MCM3AP: variants seen among roughly 807,000 people sequenced by gnomAD.
The protein encoded by MCM3AP is minichromosome maintenance complex component 3 associated protein, also known as germinal-center associated nuclear protein.
A neutral mutation model predicts 184.1 loss-of-function variants in MCM3AP; 126 were observed. The observed-to-expected ratio is 0.68, with a 90% CI of 0.59 to 0.79. The LOEUF is 0.79. MCM3AP is among the 30% of genes least tolerant of loss of function. The probability of loss-of-function intolerance (pLI) is 0.00; values close to 1 mark genes in which losing one functional copy is unlikely to be tolerated. For synonymous variants in MCM3AP, 1,002 were observed against 979.3 expected (o/e 1.02, Z -0.43); for missense variants, 2,496 against 2,479.2 (o/e 1.01, Z -0.14).
Position 46,261,470 on chromosome 21 carries a change from C to G in MCM3AP, c.3336-59G>C, listed in dbSNP as rs927323256. Reference sequence around the variant, plus strand: ...AGAGTCAAGGCCGGGTGCGGTGGCTCACGCCTGTAATCCCAGCACTTTGGG... The same window carrying G: ...AGAGTCAAGGCCGGGTGCGGTGGCTGACGCCTGTAATCCCAGCACTTTGGG... On this transcript the variant is annotated intron_variant, in intron 13 of 27. Transcript: ENST00000291688. 1.9e-6 allele frequency: 3 copies of G among 1,549,230 alleles called. No homozygotes were observed. The East Asian group carries it at 6.8e-5, about 35-fold the overall frequency.
At chr21:46,285,634 T>C, upstream of MCM3AP, 1 of 198,272 alleles carries the variant, frequency 5.0e-6, no homozygotes, top group South Asian at 1.2e-4. Context: ...AGCCGAATCT[T>C]TTTACTGAGT....
Position 46,285,100 on chromosome 21 carries a change from C to T in MCM3AP, c.187G>A (p.Gly63Arg), listed in dbSNP as rs2081392694. Residue 63 changes from glycine (G) to arginine (R), a missense_variant, in exon 1 of 28, where the codon GGA becomes AGA. Transcript: ENST00000291688. ...TGCACTGAAGAGGAATGACTTACTC[C>T]AGAAGACGCTGGAAAGCTGGATACC... Reference protein sequence around the residue: ...SQVSSFPASSGVSHSSSVQTL... With the variant: ...SQVSSFPASSRVSHSSSVQTL... The T allele has an allele frequency of 1.9e-5, 31 of 1,614,204 alleles. No homozygotes were observed. Among genetic ancestry groups the T allele is most frequent in the Non-Finnish European group, 2.5e-5 (30 of 1,180,036 alleles).
At chr21:46,277,334 C>T (rs1338635551) in intron 5 of MCM3AP, among the ~76,000 whole-genome samples, 193 bp downstream of exon 5, 2 of 152,124 alleles carry the variant, frequency 1.3e-5, no homozygotes, top group Non-Finnish European at 2.9e-5. Flanking sequence ...AACATATTTG[C>T]ACATTTATGT....
At chr21:46,262,051 T>C (rs2081047782) in intron 13 of MCM3AP, among the ~76,000 whole-genome samples, 1 of 152,210 alleles carries the variant, frequency 6.6e-6, no homozygotes, top group Admixed American at 6.5e-5. Context: ...ATGCAACCTG[T>C]ACTTGTTTGG....
In MCM3AP at chr21:46,263,780, C is replaced by CAAAAAAAAAAAAAA. The variant is rs57674256; in HGVS notation, c.3335+323_3335+336dup. Among the ~76,000 whole-genome samples, 17 of 28,330 alleles carry CAAAAAAAAAAAAAA rather than the reference C, an allele frequency of 6.0e-4. 3 individuals are homozygous for CAAAAAAAAAAAAAA. Among genetic ancestry groups the CAAAAAAAAAAAAAA allele is most frequent in the South Asian group, 3.3e-3 (1 of 304 alleles). The allele number at this position is 28,330 out of a possible 152,430, so 18.6% of individuals were successfully genotyped here. A position where few individuals can be genotyped will look rare whatever the true frequency, so the allele number is the denominator to read the frequency against. On this transcript the variant is annotated intron_variant, in intron 13 of 27. Transcript: ENST00000291688. ...TGAGCAACAGAGCAAGACTCCATCT[C>CAAAAAAAAAAAAAA]AAAAAAAAAAAAAAAAAAAAAAAAA...
In MCM3AP at chr21:46,236,869, A is replaced by G. The variant is rs911925591; in HGVS notation, c.5744T>C (p.Ile1915Thr). 8.3e-6 allele frequency: 13 copies of G among 1,566,292 alleles called. No homozygotes were observed. The highest frequency in any genetic ancestry group is 2.4e-5 in the East Asian group (1 of 40,864). ...TACAGATGTTTTCATCACAGGTTCAATAGTGTGAGAAAGAGACACTAGAGT... is the reference window on the plus strand; with the variant it reads ...TACAGATGTTTTCATCACAGGTTCAGTAGTGTGAGAAAGAGACACTAGAGT... Reference protein sequence around the residue: ...PQTLVSLSHTIEPVMKTSVTT... With the variant: ...PQTLVSLSHTTEPVMKTSVTT... Residue 1915 changes from isoleucine to threonine, a missense_variant, in exon 27 of 28, where the codon ATT (isoleucine) becomes ACT (threonine). Physicochemically the swap from Ile to Thr is moderately conservative, Grantham distance 89 (BLOSUM62 -1). Coordinates refer to ENST00000291688, the MANE Select transcript of MCM3AP (RefSeq NM_003906.5).
intron 19 of MCM3AP, chr21:46,252,383 C>T (rs1601505078): frequency 6.6e-6 from 1 of 152,298 alleles, no homozygotes; most frequent in East Asian, 1.9e-4. Flanking sequence ...AATGAGAAGA[C>T]AGCTATTTTA....
At position 46,264,237 on chromosome 21, in the gene MCM3AP, G is replaced by A. The variant is rs761204666; in HGVS notation, c.3235-20C>T. The A allele has an allele frequency of 1.3e-6, 2 of 1,519,342 alleles. No homozygotes were observed. The highest frequency in any genetic ancestry group is 1.8e-6 in the Non-Finnish European group (2 of 1,097,910). 94.1% of individuals were successfully genotyped at this position (1,519,342 alleles called of 1,614,324 possible). On this transcript the variant is annotated intron_variant, in intron 12 of 27. Transcript: ENST00000291688. ...CAGGTCCTGTGGAGAGACCAGCATG[G>A]GGTGTAATGGAACGTCCCACCCAGG...
At position 46,254,756 on chromosome 21, in the gene MCM3AP, A is replaced by C; in HGVS notation, c.4001+20T>G. 2 of 1,609,930 alleles carry C rather than the reference A, an allele frequency of 1.2e-6. No individual in the cohort carries two copies. The highest frequency in any genetic ancestry group is 1.7e-6 in the Non-Finnish European group (2 of 1,176,484). ...ACGGGGATCACCAGGGGGTGCGCAG[A>C]AGGGTGCAGCATGACAGACCTCAGC... On this transcript the variant is annotated intron_variant, in intron 18 of 27. Coordinates refer to ENST00000291688, the MANE Select transcript of MCM3AP (RefSeq NM_003906.5).
Position 46,236,832 on chromosome 21 carries a change from T to G in MCM3AP, c.5781A>C (p.Pro1927=). The change falls in exon 27 of 28, where the codon CCA becomes CCC. Residue 1927 remains proline, a synonymous_variant. Transcript: ENST00000291688. ...PVMKTSVTTS[P]QSDMMREQLQ... ...CAAATGTATACGTTCTTCTCACCTGTGGGCTAGTAGTTACAGATGTTTTCA... is the reference window on the plus strand; with the variant it reads ...CAAATGTATACGTTCTTCTCACCTGGGGGCTAGTAGTTACAGATGTTTTCA... 1 of 1,547,844 alleles carries G rather than the reference T, an allele frequency of 6.5e-7. No individual in the cohort carries two copies. Among genetic ancestry groups the G allele is most frequent in the Non-Finnish European group, 8.7e-7 (1 of 1,155,054 alleles).
Position 46,284,716 on chromosome 21 carries a change from G to A in MCM3AP, c.571C>T (p.Pro191Ser). The change falls in exon 1 of 28, where the codon CCT becomes TCT. Residue 191 changes from proline (P) to serine (S), a missense_variant. By Grantham distance (74) the Pro-to-Ser change is moderately conservative. Transcript: ENST00000291688. The stretch of plus-strand genomic sequence containing the variant: ...CTTGTTACTTGAGGAAAAGAGAAAG[G>A]GGCCAGGCCTCCAGGTGCACTACTA... ...PISSAPGGLA[P>S]FSFPQVTSSS... 1.2e-6 allele frequency: 2 copies of A among 1,614,088 alleles called. No homozygotes were observed. The highest frequency in any genetic ancestry group is 8.5e-7 in the Non-Finnish European group (1 of 1,180,036).
At position 46,256,789 on chromosome 21, in the gene MCM3AP, C is replaced by T; in HGVS notation, c.3932G>A (p.Arg1311Lys). ...HAGRLGISCT[R>K]LRRLRNKTAH... ...GAGGCAGGCGACAGCTGATGCTGAC[C>T]TGGTGCAGGAGATGCCCAATCTCCC... Residue 1311 changes from arginine to lysine, a missense_variant and splice_region_variant, in exon 17 of 28, where the codon AGG becomes AAG. Around this residue, in one of 5 missense-constraint regions of MCM3AP, gnomAD observed 1,323 missense variants for 1,273.4 expected, o/e 1.04. Transcript: ENST00000291688. 1.3e-6 allele frequency: 2 copies of T among 1,550,230 alleles called. No homozygotes were observed. Among genetic ancestry groups the T allele is most frequent in the Non-Finnish European group, 1.7e-6 (2 of 1,146,400 alleles).
chr21:46,271,026 G>C (rs2081172141), intron 8 of MCM3AP, among the ~76,000 whole-genome samples: 1 of 152,202 alleles, frequency 6.6e-6, no homozygotes, highest in Admixed American at 6.5e-5. Context: ...AGCTGTGCTG[G>C]ATGGTAAAGT....
intron 4 of MCM3AP, among the ~76,000 whole-genome samples, chr21:46,278,588 G>A (rs1000524236): frequency 2.6e-5 from 4 of 152,150 alleles, no homozygotes; most frequent in Admixed American, 6.5e-5. Context: ...ATCACATGCC[G>A]GTTAACACAA....
intron 20 of MCM3AP, among the ~76,000 whole-genome samples, chr21:46,249,222 CCT>C (rs1716003209): frequency 6.6e-6 from 1 of 152,144 alleles, no homozygotes; most frequent in Admixed American, 6.5e-5. Context: ...ACGGGGTCTT[CCT>C]CTGTCAACAC....
At chr21:46,267,487 G>A in intron 9 of MCM3AP, 1 of 221,244 alleles carries the variant, frequency 4.5e-6, no homozygotes, top group Non-Finnish European at 9.0e-6. Flanking sequence ...AGGTGCTGCA[G>A]AGGACCCCGG....
rs1241599143 is a variant in MCM3AP at position 46,270,494 on chromosome 21, A to T, written c.2535T>A (p.Ala845=). The T allele has an allele frequency of 6.2e-7, 1 of 1,613,888 alleles. No homozygotes were observed. Among genetic ancestry groups the T allele is most frequent in the Admixed American group, 1.7e-5 (1 of 60,010 alleles). Residue 845 remains alanine, a synonymous_variant, in exon 9 of 28, where the codon GCT becomes GCA. Transcript: ENST00000291688. ...SEVKFAVQAF[A]ALNSNNFVRF... is the part of the protein sequence containing the mutation. ...TCACAAAATTATTACTGTTCAATGC[A>T]GCAAAAGCCTGAACAGCAAATTTCA... is the stretch of plus-strand genomic sequence containing the variant.
In MCM3AP at chr21:46,265,487, T is replaced by C. The variant is rs1299493292; in HGVS notation, c.3068A>G (p.Asp1023Gly). 1.3e-6 allele frequency: 2 copies of C among 1,591,190 alleles called. No individual in the cohort carries two copies. Among genetic ancestry groups the C allele is most frequent in the South Asian group, 2.3e-5 (2 of 87,858 alleles). The change falls in exon 12 of 28, where the codon GAT (aspartate) becomes GGT (glycine). Residue 1023 changes from aspartate to glycine, a missense_variant. By Grantham distance (94) the Asp-to-Gly change is moderately conservative. Coordinates refer to ENST00000291688, the MANE Select transcript of MCM3AP (RefSeq NM_003906.5). ...CTGTGGGAGACTGGACAGGGGTGCA[T>C]CCGGCTCTACACCACACTCCTCTCC... ...GRGEECGVEP[D>G]APLSSLPQSL...
intron 9 of MCM3AP, 167 bp downstream of exon 9, chr21:46,270,234 C>G (rs1052366731): frequency 3.9e-5 from 23 of 586,802 alleles, no homozygotes; most frequent in Middle Eastern, 4.0e-4. Flanking sequence ...ACAGTGATAA[C>G]CCCTATAAAA....
Sources: gnomAD v4.1 joint callset for allele counts (sites outside exome capture counted in the v4.1 genomes callset) on GRCh38, gnomAD v4.1.1 for gene constraint, gnomAD v4.1.1 regional missense constraint, MANE v1.5 for transcripts, NCBI Gene and HGNC (gene_info 2026-07-23, HGNC 2026-07-21) for gene names.